The following PAPPA2 variants were observed in gnomAD, a reference collection of about 807,000 sequenced individuals.
PAPPA2 encodes pappalysin 2.
A neutral mutation model predicts 176.4 loss-of-function variants in PAPPA2; 86 were observed. The ratio of observed to expected loss-of-function variants is 0.49; its 90% CI spans 0.41 to 0.58. The LOEUF (loss-of-function observed/expected upper bound fraction) is 0.58, where lower values mean the gene tolerates loss of function less well. PAPPA2 is among the 20% of genes least tolerant of loss of function. The probability of loss-of-function intolerance (pLI) is 0.00; values close to 1 mark genes in which losing one functional copy is unlikely to be tolerated. For synonymous variants in PAPPA2, 809 were observed against 852.2 expected (o/e 0.95, Z 0.88); for missense variants, 2,073 against 2,256.9 (o/e 0.92, Z 1.65).
At chr1:176,497,677 A>G (rs571440113) in intron 1 of PAPPA2, among the ~76,000 whole-genome samples, 2 of 152,372 alleles carry the variant, frequency 1.3e-5, no homozygotes, top group African/African-American at 4.8e-5. Flanking sequence ...CCACAGGGCA[A>G]CAATTAACTG....
chr1:176,575,713 G>A (rs1652604328), intron 2 of PAPPA2, among the ~76,000 whole-genome samples: 1 of 152,166 alleles, frequency 6.6e-6, no homozygotes, highest in Non-Finnish European at 1.5e-5. Flanking sequence ...GGCTTTATGT[G>A]TATTAATGTA....
At chr1:176,638,090 A>G (rs1656827955) in intron 3 of PAPPA2, among the ~76,000 whole-genome samples, 1 of 152,150 alleles carries the variant, frequency 6.6e-6, no homozygotes, top group Admixed American at 6.6e-5. Flanking sequence ...TTTGAAAGGA[A>G]GTACAACACA....
intron 1 of PAPPA2, among the ~76,000 whole-genome samples, chr1:176,493,528 G>A (rs1483853764): frequency 1.3e-5 from 2 of 152,186 alleles, no homozygotes; most frequent in Non-Finnish European, 2.9e-5. Flanking sequence ...CCCAGTCACA[G>A]GCAATGCTGC....
chr1:176,790,619 A>T (rs1665133465), intron 18 of PAPPA2, among the ~76,000 whole-genome samples: 3 of 152,184 alleles, frequency 2.0e-5, no homozygotes, highest in Admixed American at 1.3e-4. Context: ...TGTGAAAAGA[A>T]TATGGCAGAA....
intron 1 of PAPPA2, among the ~76,000 whole-genome samples, chr1:176,492,246 C>T (rs1436401101): frequency 6.6e-6 from 1 of 152,180 alleles, no homozygotes. Context: ...CGGTCGTTCT[C>T]CTTCTTTTCT....
chr1:176,616,956 A>G (rs561100109), intron 3 of PAPPA2, among the ~76,000 whole-genome samples: 21 of 152,372 alleles, frequency 1.4e-4, no homozygotes, highest in African/African-American at 4.6e-4. Context: ...CCTCCTAACA[A>G]GAAGCAGCAA....
intron 2 of PAPPA2, among the ~76,000 whole-genome samples, chr1:176,577,850 T>C (rs1652742795): frequency 6.6e-6 from 1 of 152,168 alleles, no homozygotes. Context: ...GCCCTGTTTT[T>C]GCTCATTTTC....
chr1:176,821,283 G>A (rs1666656094), intron 21 of PAPPA2, among the ~76,000 whole-genome samples: 2 of 152,088 alleles, frequency 1.3e-5, no homozygotes, highest in Admixed American at 1.3e-4. Flanking sequence ...ATATGAATAA[G>A]GGCATATGGG....
At chr1:176,538,825 C>G (rs931933100) in intron 1 of PAPPA2, among the ~76,000 whole-genome samples, 1 of 152,150 alleles carries the variant, frequency 6.6e-6, no homozygotes, top group African/African-American at 2.4e-5. Flanking sequence ...AAGGCAGACT[C>G]ATAAAAGAAG....
At chr1:176,696,388 C>T (rs1455550896) in intron 7 of PAPPA2, among the ~76,000 whole-genome samples, 1 of 152,144 alleles carries the variant, frequency 6.6e-6, no homozygotes, top group Non-Finnish European at 1.5e-5. Context: ...AGGTGTTCCA[C>T]ACTGACTGTT....
chr1:176,738,831 T>G (rs1053398801), intron 12 of PAPPA2, among the ~76,000 whole-genome samples: 1 of 151,764 alleles, frequency 6.6e-6, no homozygotes, highest in Non-Finnish European at 1.5e-5. Flanking sequence ...CTCTAAGATG[T>G]TTTTTTTCTT....
chr1:176,779,469 A>T (rs895088173), intron 17 of PAPPA2, among the ~76,000 whole-genome samples: 4 of 144,742 alleles, frequency 2.8e-5, no homozygotes, highest in African/African-American at 7.9e-5. Flanking sequence ...TTAACATTCC[A>T]TACTCATCAC....
At chr1:176,506,106 C>A (rs1040712500) in intron 1 of PAPPA2, among the ~76,000 whole-genome samples, 1 of 151,982 alleles carries the variant, frequency 6.6e-6, no homozygotes, top group East Asian at 1.9e-4. Context: ...ATAAGGAGTC[C>A]CTTCTCCATT....
chr1:176,507,172 C>A (rs1475703833), intron 1 of PAPPA2, among the ~76,000 whole-genome samples: 2 of 151,708 alleles, frequency 1.3e-5, no homozygotes, highest in Admixed American at 6.6e-5. Flanking sequence ...AAGTGGTCAA[C>A]AAATACATAA....
intron 17 of PAPPA2, among the ~76,000 whole-genome samples, chr1:176,776,909 A>C (rs1571311679): frequency 1.3e-5 from 2 of 151,572 alleles, no homozygotes; most frequent in Non-Finnish European, 1.5e-5. Flanking sequence ...ATTATCCCCT[A>C]TTATAGATGA....
intron 1 of PAPPA2, among the ~76,000 whole-genome samples, chr1:176,486,653 C>A (rs1356150716): frequency 6.6e-6 from 1 of 152,076 alleles, no homozygotes; most frequent in Non-Finnish European, 1.5e-5. Flanking sequence ...AAGCACAGGC[C>A]TAGATGCAGG....
chr1:176,628,188 G>A (rs1397467369), intron 3 of PAPPA2, among the ~76,000 whole-genome samples: 1 of 151,246 alleles, frequency 6.6e-6, no homozygotes, highest in Admixed American at 6.6e-5. Flanking sequence ...TTTGCCAAGG[G>A]AGTACAATGA....
chr1:176,715,972 ATATAT>A (rs1397502673), intron 12 of PAPPA2, among the ~76,000 whole-genome samples: 1 of 150,888 alleles, frequency 6.6e-6, no homozygotes, highest in Non-Finnish European at 1.5e-5. Context: ...TATGCTATAC[ATATAT>A]TAATATTAAT....
chr1:176,715,652 C>A (rs755564403), intron 12 of PAPPA2, among the ~76,000 whole-genome samples: 11 of 152,160 alleles, frequency 7.2e-5, no homozygotes, highest in Non-Finnish European at 1.5e-4. Flanking sequence ...CCACCCTTAC[C>A]CCTGTGGGGA....
Sources: gnomAD v4.1 joint callset for allele counts (sites outside exome capture counted in the v4.1 genomes callset) on GRCh38, gnomAD v4.1.1 for gene constraint, MANE v1.5 for transcripts, NCBI Gene and HGNC (gene_info 2026-07-23, HGNC 2026-07-21) for gene names.